Variants in RABGAP1L observed in about 807,000 individuals in gnomAD.
The protein encoded by RABGAP1L is rab GTPase-activating protein 1-like.
A neutral mutation model predicts 137.7 loss-of-function variants in RABGAP1L; 63 were observed. That is an observed-to-expected ratio of 0.46 (90% CI 0.37 to 0.56). The LOEUF is 0.56. RABGAP1L is among the 20% of genes least tolerant of loss of function. RABGAP1L has a pLI of 0.00. For missense variants in RABGAP1L, 1,095 were observed against 1,244.0 expected, an observed-to-expected ratio of 0.88 and a Z score of 1.80; for synonymous variants, 431 against 433.7, an observed-to-expected ratio of 0.99 and a Z score of 0.08.
chr1:174,880,938 T>C, intron 19 of RABGAP1L, among the ~76,000 whole-genome samples: 1 of 152,124 alleles, frequency 6.6e-6, no homozygotes, highest in East Asian at 1.9e-4. Context: ...ACAGGAGTTT[T>C]CTAGGCCAAA....
intron 13 of RABGAP1L, among the ~76,000 whole-genome samples, chr1:174,515,222 G>A (rs1662714156): frequency 6.6e-6 from 1 of 152,032 alleles, no homozygotes; most frequent in South Asian, 2.1e-4. Context: ...AGATAATCAG[G>A]AAAATTGACA....
At chr1:174,596,700 C>G (rs1382927129) in intron 13 of RABGAP1L, among the ~76,000 whole-genome samples, 1 of 152,090 alleles carries the variant, frequency 6.6e-6, no homozygotes, top group East Asian at 1.9e-4. Context: ...GTTTGGATGA[C>G]CTTTATTTCT....
intron 13 of RABGAP1L, among the ~76,000 whole-genome samples, chr1:174,435,310 A>C (rs902535852): frequency 1.3e-5 from 2 of 152,118 alleles, no homozygotes; most frequent in Non-Finnish European, 2.9e-5. Flanking sequence ...GAGCCACTGC[A>C]CCTGTTCATC....
At chr1:174,279,673 C>G (rs893804303) in intron 10 of RABGAP1L, among the ~76,000 whole-genome samples, 7 of 151,990 alleles carry the variant, frequency 4.6e-5, no homozygotes, top group Admixed American at 2.6e-4. Flanking sequence ...ATTATTATGG[C>G]TGTTATTTGA....
intron 11 of RABGAP1L, among the ~76,000 whole-genome samples, chr1:174,352,220 T>G (rs780727762): frequency 1.2e-4 from 18 of 152,210 alleles, no homozygotes; most frequent in Non-Finnish European, 5.9e-5. Context: ...TGAAGCTATT[T>G]TCTAGACCTT....
At chr1:174,543,853 A>C (rs1665728900) in intron 13 of RABGAP1L, among the ~76,000 whole-genome samples, 1 of 152,140 alleles carries the variant, frequency 6.6e-6, no homozygotes, top group South Asian at 2.1e-4. Flanking sequence ...TTCACTTATG[A>C]AGCTTAGTTT....
chr1:174,630,327 C>T (rs1673258712), intron 13 of RABGAP1L, among the ~76,000 whole-genome samples: 1 of 79,928 alleles, frequency 1.3e-5, no homozygotes, highest in Non-Finnish European at 2.2e-5. Flanking sequence ...CATCAATGTT[C>T]ATCAAGGATA....
chr1:174,652,216 G>A (rs1454439338), intron 14 of RABGAP1L, among the ~76,000 whole-genome samples: 1 of 152,214 alleles, frequency 6.6e-6, no homozygotes, highest in Non-Finnish European at 1.5e-5. Flanking sequence ...CTGTTAGTCT[G>A]TTGGGCTTCC....
At chr1:174,482,051 A>T (rs1263445292) in intron 13 of RABGAP1L, among the ~76,000 whole-genome samples, 1 of 152,222 alleles carries the variant, frequency 6.6e-6, no homozygotes, top group East Asian at 1.9e-4. Context: ...CATCTTTAGA[A>T]ATAAAAGAGG....
Position 174,924,385 on chromosome 1 carries a change from CAAA to C in RABGAP1L, c.2341-33053_2341-33051del, listed in dbSNP as rs10688718. On this transcript the variant is annotated intron_variant, in intron 19 of 25. Transcript: ENST00000681986. The stretch of plus-strand genomic sequence containing the variant: ...GTGGTGACAGAGCAAGACTCTGTCT[CAAA>C]AAAAAAAAAAAAAAAAAAGAGAGAG... 8.6e-5 allele frequency among the ~76,000 whole-genome samples: 6 copies of C among 70,124 alleles called. No homozygotes were observed. The East Asian group carries it at 1.4e-3, about 16-fold the overall frequency. The allele number at this position is 70,124 out of a possible 152,430, so 46.0% of individuals were successfully genotyped here. A position where few individuals can be genotyped will look rare whatever the true frequency, so the allele number is the denominator to read the frequency against.
At chr1:174,892,398 A>G (rs551051899) in intron 19 of RABGAP1L, 4 of 396,450 alleles carry the variant, frequency 1.0e-5, no homozygotes, top group Non-Finnish European at 1.9e-5. Flanking sequence ...CTCCACCACT[A>G]TAATCCCTGG....
In RABGAP1L at chr1:174,181,883, C is replaced by T. The variant is rs542911460; in HGVS notation, c.-34+22226C>T. ...TATTTACATAGGTAACAAAGAGTGT[C>T]TGCACCTTTGTGTCTTTTAACTACT... On this transcript the variant is annotated intron_variant, in intron 1 of 25. Transcript: ENST00000681986. Among the ~76,000 whole-genome samples the T allele has an allele frequency of 1.3e-5, 2 of 152,324 alleles. 1 individual carries two copies. Among genetic ancestry groups the T allele is most frequent in the African/African-American group, 4.8e-5 (2 of 41,584 alleles).
intron 13 of RABGAP1L, among the ~76,000 whole-genome samples, chr1:174,456,866 G>T (rs940258959): frequency 2.0e-5 from 3 of 152,052 alleles, no homozygotes; most frequent in Non-Finnish European, 4.4e-5. Context: ...CAGTTTGTAG[G>T]ATGAATCATT....
chr1:174,749,590 T>C (rs1684178162), intron 17 of RABGAP1L, among the ~76,000 whole-genome samples: 2 of 152,160 alleles, frequency 1.3e-5, no homozygotes, highest in Admixed American at 6.5e-5. Context: ...AGAGTTGTTA[T>C]TATCTAAAAA....
intron 1 of RABGAP1L, among the ~76,000 whole-genome samples, chr1:174,180,313 C>T (rs542336992): frequency 6.6e-6 from 1 of 152,320 alleles, no homozygotes; most frequent in East Asian, 1.9e-4. Flanking sequence ...CATTTCTTAG[C>T]ACTCTTTACT....
intron 11 of RABGAP1L, among the ~76,000 whole-genome samples, chr1:174,308,235 G>A (rs549529893): frequency 6.6e-6 from 1 of 151,900 alleles, no homozygotes; most frequent in Non-Finnish European, 1.5e-5. Flanking sequence ...TATACAGGCT[G>A]TATACATATC....
chr1:174,939,728 G>A (rs1665531119), intron 19 of RABGAP1L, among the ~76,000 whole-genome samples: 1 of 152,032 alleles, frequency 6.6e-6, no homozygotes, highest in Non-Finnish European at 1.5e-5. Context: ...AATTTAATTG[G>A]TTATCACAAT....
At chr1:174,170,193 A>G (rs1331390559) in intron 1 of RABGAP1L, among the ~76,000 whole-genome samples, 2 of 152,214 alleles carry the variant, frequency 1.3e-5, no homozygotes, top group Non-Finnish European at 2.9e-5. Context: ...AGTAATTTAG[A>G]CACAACTTCT....
chr1:174,382,757 A>G, intron 12 of RABGAP1L, among the ~76,000 whole-genome samples: 1 of 147,246 alleles, frequency 6.8e-6, no homozygotes, highest in East Asian at 2.0e-4. Flanking sequence ...AGCTCAGAGT[A>G]ATTTGATCGT....
Sources: allele counts gnomAD v4.1 joint callset (sites outside exome capture counted in the v4.1 genomes callset), GRCh38; gene constraint gnomAD v4.1.1; transcripts MANE v1.5; gene names NCBI Gene and HGNC (gene_info 2026-07-23, HGNC 2026-07-21).